The following CIB4 variants were observed in gnomAD, a reference collection of about 807,000 sequenced individuals.
CIB4 encodes the protein calcium and integrin-binding family member 4.
A neutral mutation model predicts 25.8 loss-of-function variants in CIB4; 25 were observed. The ratio of observed to expected loss-of-function variants is 0.97; its 90% CI spans 0.71 to 1.35. The LOEUF (loss-of-function observed/expected upper bound fraction) is 1.35. Ranked by LOEUF, CIB4 falls within the 40% of genes most tolerant of loss-of-function variation. The probability of loss-of-function intolerance (pLI) is 0.00; values close to 1 mark genes in which losing one functional copy is unlikely to be tolerated. For synonymous variants in CIB4, 75 were observed against 81.4 expected, an observed-to-expected ratio of 0.92 and a Z score of 0.42; for missense variants, 235 against 228.2, an observed-to-expected ratio of 1.03 and a Z score of -0.19.
At chr2:26,591,579 C>T (rs1668587386) in intron 4 of CIB4, among the ~76,000 whole-genome samples, 1 of 152,248 alleles carries the variant, frequency 6.6e-6, no homozygotes, top group African/African-American at 2.4e-5. Flanking sequence ...AGTGACCTCT[C>T]TCCTAAGAGC....
chr2:26,585,259 A>G (rs1191305681), intron 4 of CIB4, among the ~76,000 whole-genome samples: 1 of 150,920 alleles, frequency 6.6e-6, no homozygotes, highest in Non-Finnish European at 1.5e-5. Context: ...GGCGGCAGAG[A>G]TGGAGCCACC....
intron 4 of CIB4, among the ~76,000 whole-genome samples, chr2:26,589,510 C>T (rs545857677): frequency 1.3e-5 from 2 of 151,990 alleles, no homozygotes; most frequent in Non-Finnish European, 1.5e-5. Flanking sequence ...TTAGTAGAGA[C>T]GGGGTTTCAC....
intron 2 of CIB4, among the ~76,000 whole-genome samples, chr2:26,633,596 A>T (rs1213586180): frequency 6.6e-6 from 1 of 152,076 alleles, no homozygotes. Flanking sequence ...CTGCCCATAG[A>T]TGAATCGTGG....
chr2:26,595,190 G>T lies in CIB4; in HGVS notation c.314C>A (p.Ala105Asp). The T allele has an allele frequency of 6.2e-7, 1 of 1,611,172 alleles. No individual in the cohort carries two copies. Among genetic ancestry groups the T allele is most frequent in the Non-Finnish European group, 8.5e-7 (1 of 1,177,616 alleles). Residue 105 changes from alanine to aspartate, a missense_variant, in exon 4 of 7, where the codon GCC (alanine) becomes GAC (aspartate). Transcript: ENST00000288861. ...QACPSLKIEYAFRIYDFNENG... is the reference protein window; with the variant it reads ...QACPSLKIEYDFRIYDFNENG... ...ACAGCACCTACCATAGATGCGAAAG[G>T]CATACTCAATCTTCAGGCTTGGGCA...
chr2:26,589,267 C>A (rs1668541302), intron 4 of CIB4, among the ~76,000 whole-genome samples: 1 of 148,836 alleles, frequency 6.7e-6, no homozygotes, highest in South Asian at 2.2e-4. Flanking sequence ...ATTCTCCTTC[C>A]TCCTCCTCCT....
At chr2:26,605,089 C>T (rs1572553288) in intron 3 of CIB4, among the ~76,000 whole-genome samples, 1 of 151,946 alleles carries the variant, frequency 6.6e-6, no homozygotes, top group Non-Finnish European at 1.5e-5. Context: ...TATTTGAACA[C>T]AACAAAATTA....
chr2:26,608,017 C>A (rs1419676303), intron 3 of CIB4, among the ~76,000 whole-genome samples: 1 of 152,248 alleles, frequency 6.6e-6, no homozygotes, highest in African/African-American at 2.4e-5. Flanking sequence ...ACGGGTGGAT[C>A]ACCTGAAGTC....
chr2:26,593,856 G>A (rs561538286), intron 4 of CIB4, among the ~76,000 whole-genome samples: 28 of 152,278 alleles, frequency 1.8e-4, no homozygotes, highest in African/African-American at 4.1e-4. Context: ...CGTGTATGTG[G>A]TGTAGAGGTC....
At chr2:26,583,723 GC>G in intron 5 of CIB4, 65 bp downstream of exon 5, 2 of 1,061,782 alleles carry the variant, frequency 1.9e-6, no homozygotes, top group Non-Finnish European at 2.9e-6. Context: ...ACATCCGGGG[GC>G]TTTGGGTGAC....
intron 2 of CIB4, among the ~76,000 whole-genome samples, chr2:26,635,024 T>C (rs979991746): frequency 6.6e-6 from 1 of 152,252 alleles, no homozygotes; most frequent in Non-Finnish European, 1.5e-5. Context: ...CTGCAGGGTC[T>C]GCACGGTCTG....
intron 3 of CIB4, among the ~76,000 whole-genome samples, chr2:26,625,775 T>C (rs1669292562): frequency 6.6e-6 from 1 of 152,274 alleles, no homozygotes; most frequent in Non-Finnish European, 1.5e-5. Context: ...TTTGTTGCAA[T>C]TGCTTTTGGC....
intron 2 of CIB4, among the ~76,000 whole-genome samples, chr2:26,633,829 C>T (rs184868886): frequency 1.1e-3 from 167 of 152,276 alleles, no homozygotes; most frequent in African/African-American, 3.6e-3. Flanking sequence ...GGCCCTAAGA[C>T]GGGTGGAGGT....
intron 3 of CIB4, among the ~76,000 whole-genome samples, chr2:26,626,695 G>A (rs1013510243): frequency 6.6e-6 from 1 of 152,210 alleles, no homozygotes. Context: ...GAGCAAGTTC[G>A]GGGGGAAGAG....
intron 2 of CIB4, 112 bp from the exon 3 acceptor site, chr2:26,629,618 C>T (rs942897230): frequency 6.4e-5 from 45 of 708,450 alleles, no homozygotes; most frequent in Non-Finnish European, 9.2e-5. Flanking sequence ...GGGGGTGTCT[C>T]TTTGAGGAAG....
chr2:26,609,705 C>T (rs537930069), intron 3 of CIB4, among the ~76,000 whole-genome samples: 2 of 152,208 alleles, frequency 1.3e-5, no homozygotes, highest in African/African-American at 2.4e-5. Context: ...AGGTCCCAGG[C>T]GCAACAGGGC....
intron 3 of CIB4, among the ~76,000 whole-genome samples, chr2:26,601,629 A>G (rs1160151518): frequency 2.6e-5 from 4 of 152,194 alleles, no homozygotes; most frequent in Non-Finnish European, 5.9e-5. Context: ...TTAACAATAT[A>G]CAAAAGCACA....
At chr2:26,617,143 T>TGC (rs944821588) in intron 3 of CIB4, among the ~76,000 whole-genome samples, 2 of 141,612 alleles carry the variant, frequency 1.4e-5, no homozygotes, top group African/African-American at 2.5e-5. Context: ...TGTGTGTGTG[T>TGC]GTGTGCACGT....
chr2:26,591,020 G>C (rs1668577094), intron 4 of CIB4, among the ~76,000 whole-genome samples: 1 of 152,238 alleles, frequency 6.6e-6, no homozygotes, highest in South Asian at 2.1e-4. Flanking sequence ...GAAGCCCAAG[G>C]AGAACCTTCT....
At chr2:26,634,777 G>A (rs983403686) in intron 2 of CIB4, among the ~76,000 whole-genome samples, 2 of 152,240 alleles carry the variant, frequency 1.3e-5, no homozygotes, top group African/African-American at 4.8e-5. Context: ...AACCTCCAGA[G>A]GTTCTAGGAA....
Sources: gnomAD v4.1 joint callset for allele counts (sites outside exome capture counted in the v4.1 genomes callset) on GRCh38, gnomAD v4.1.1 for gene constraint, MANE v1.5 for transcripts, NCBI Gene and HGNC (gene_info 2026-07-23, HGNC 2026-07-21) for gene names.